Variants in PCDHA4 observed in about 807,000 individuals in gnomAD.
The protein encoded by PCDHA4 is protocadherin alpha 4, also known as protocadherin alpha-4.
Under a neutral mutation model 61.4 loss-of-function variants are expected in PCDHA4, and 49 were observed. The observed-to-expected ratio is 0.80, with a 90% CI of 0.63 to 1.01. The LOEUF (loss-of-function observed/expected upper bound fraction) is 1.01, where lower values mean the gene tolerates loss of function less well. Among genes scored for constraint, PCDHA4 ranks in the 50% least tolerant of loss-of-function variants. PCDHA4 has a pLI of 0.00. For synonymous variants in PCDHA4, 590 were observed against 550.3 expected (o/e 1.07, Z -1.01); for missense variants, 1,254 against 1,235.8 (o/e 1.01, Z -0.22).
At chr5:140,858,604 A>AT (rs2045515312) in intron 1 of PCDHA4, 6 of 1,276,560 alleles carry the variant, frequency 4.7e-6, no homozygotes, top group Non-Finnish European at 4.3e-6. Context: ...GAGTTTTAAA[A>AT]TTTTTTTATC....
chr5:140,857,748 C>A (rs782353510), intron 1 of PCDHA4: 1 of 1,597,386 alleles, frequency 6.3e-7, no homozygotes, highest in African/African-American at 1.3e-5. Flanking sequence ...CTGCTGGCGT[C>A]TCCCGCTGGC....
intron 1 of PCDHA4, among the ~76,000 whole-genome samples, chr5:140,875,128 C>A (rs1554167491): frequency 6.6e-6 from 1 of 152,068 alleles, no homozygotes; most frequent in East Asian, 1.9e-4. Context: ...ATTAACTAAA[C>A]CCGCATTTAT....
intron 1 of PCDHA4, among the ~76,000 whole-genome samples, chr5:140,890,116 G>A (rs1290402695): frequency 6.6e-6 from 1 of 152,142 alleles, no homozygotes; most frequent in East Asian, 1.9e-4. Flanking sequence ...ATTCAATGAT[G>A]TCACTTTGGT....
chr5:140,859,289 ATACTT>A (rs1272125290), intron 1 of PCDHA4: 2 of 129,084 alleles, frequency 1.5e-5, no homozygotes, highest in African/African-American at 5.5e-5. Context: ...GAGACTGAAA[ATACTT>A]TAGTATGAAT....
rs546551059 is a variant in PCDHA4, at chr5:140,918,074, G to A, written c.2386-60875G>A. Among the ~76,000 whole-genome samples, 10 of 152,214 alleles carry A rather than the reference G, an allele frequency of 6.6e-5. No individual in the cohort carries two copies. The East Asian group carries it at 1.9e-3, about 29-fold the overall frequency. On this transcript the variant is annotated intron_variant, in intron 1 of 3. Transcript: ENST00000530339. ...TTATCATCTCTGATTTCTTTCAGTA[G>A]TGTTTTATAATTCTTTTTATAGAGA...
chr5:140,829,594 G>A (rs141465004), intron 1 of PCDHA4: 1 of 1,611,864 alleles, frequency 6.2e-7, no homozygotes, highest in African/African-American at 1.3e-5. Flanking sequence ...GGGTGGGCGA[G>A]CGCGCGTTGT....
chr5:140,927,587 T>A, intron 1 of PCDHA4: 18 of 1,614,162 alleles, frequency 1.1e-5, no homozygotes, highest in Non-Finnish European at 1.5e-5. Context: ...AACGCGCCTG[T>A]ATTTGAGCGC....
At chr5:140,922,825 C>T (rs1554200979) in intron 1 of PCDHA4, among the ~76,000 whole-genome samples, 1 of 152,178 alleles carries the variant, frequency 6.6e-6, no homozygotes, top group Non-Finnish European at 1.5e-5. Context: ...CAGCATACTG[C>T]TAATAGATGT....
At chr5:140,926,583 G>C in intron 1 of PCDHA4, 1 of 279,462 alleles carries the variant, frequency 3.6e-6, no homozygotes, top group Non-Finnish European at 6.6e-6. Context: ...AGCACCTCTC[G>C]CGCCCGGGCG....
At chr5:140,867,070 CA>C (rs1214152735) in intron 1 of PCDHA4, 1 of 152,124 alleles carries the variant, frequency 6.6e-6, no homozygotes, top group Non-Finnish European at 1.5e-5. Flanking sequence ...TATATATTCA[CA>C]AAATACTGTA....
At chr5:140,902,185 TTC>T (rs370111655) in intron 1 of PCDHA4, among the ~76,000 whole-genome samples, 3 of 150,766 alleles carry the variant, frequency 2.0e-5, no homozygotes, top group South Asian at 2.1e-4. Flanking sequence ...CCTTTATGTC[TTC>T]TCTCTCTCTC....
intron 1 of PCDHA4, among the ~76,000 whole-genome samples, chr5:140,889,237 A>C (rs1181963973): frequency 6.6e-6 from 1 of 151,844 alleles, no homozygotes; most frequent in Non-Finnish European, 1.5e-5. Context: ...AACTTCCAGA[A>C]AATTTTCTGT....
chr5:140,836,677 C>T, intron 1 of PCDHA4: 1 of 1,613,398 alleles, frequency 6.2e-7, no homozygotes, highest in East Asian at 2.2e-5. Context: ...GAGGGCCCAC[C>T]CAAGACAGAC....
rs2150353196 is a variant in PCDHA4 at position 140,843,120 on chromosome 5, A to G, written c.2385+33548A>G. The G allele has an allele frequency of 2.5e-6, 4 of 1,595,472 alleles. 1 individual carries two copies. Among genetic ancestry groups the G allele is most frequent in the Non-Finnish European group, 3.4e-6 (4 of 1,165,480 alleles). Reference sequence around the variant, plus strand: ...GCGAAGGTGCGCGCAGTGGACGCCGACTCGGGCTACAACGCGTGGCTTTCG... The same window carrying G: ...GCGAAGGTGCGCGCAGTGGACGCCGGCTCGGGCTACAACGCGTGGCTTTCG... On this transcript the variant is annotated intron_variant, in intron 1 of 3. Coordinates refer to ENST00000530339, the MANE Select transcript of PCDHA4 (RefSeq NM_018907.4).
intron 1 of PCDHA4, chr5:140,871,118 G>C (rs1554165149): frequency 6.2e-7 from 1 of 1,613,306 alleles, no homozygotes; most frequent in East Asian, 2.2e-5. Flanking sequence ...GTGGAGAGCG[G>C]ACAGGCGCCA....
intron 1 of PCDHA4, chr5:140,866,616 C>G (rs1470168934): frequency 6.6e-6 from 1 of 152,048 alleles, no homozygotes; most frequent in Non-Finnish European, 1.5e-5. Context: ...TGGAGAACCT[C>G]CTGGGGTTCT....
At chr5:140,887,930 A>G (rs1276226662) in intron 1 of PCDHA4, among the ~76,000 whole-genome samples, 1 of 152,096 alleles carries the variant, frequency 6.6e-6, no homozygotes, top group Non-Finnish European at 1.5e-5. Context: ...CAGAGACCAT[A>G]TTTATTTCTT....
intron 1 of PCDHA4, among the ~76,000 whole-genome samples, chr5:140,942,021 A>C (rs2093219800): frequency 6.6e-6 from 1 of 152,198 alleles, no homozygotes; most frequent in South Asian, 2.1e-4. Context: ...TTTTGGGAAA[A>C]AATAATTCAT....
At chr5:140,918,331 G>A (rs1429617568) in intron 1 of PCDHA4, among the ~76,000 whole-genome samples, 1 of 152,114 alleles carries the variant, frequency 6.6e-6, no homozygotes, top group Non-Finnish European at 1.5e-5. Context: ...TATATTGTCT[G>A]CTAAGAGAGA....
Sources: allele counts gnomAD v4.1 joint callset (sites outside exome capture counted in the v4.1 genomes callset), GRCh38; gene constraint gnomAD v4.1.1; transcripts MANE v1.5; gene names NCBI Gene and HGNC (gene_info 2026-07-23, HGNC 2026-07-21).